Variants in FANCI observed in about 807,000 individuals in gnomAD.
The protein encoded by FANCI is Fanconi anemia group I protein.
A neutral mutation model predicts 176.1 loss-of-function variants in FANCI; 156 were observed. The ratio of observed to expected loss-of-function variants is 0.89; its 90% confidence interval spans 0.78 to 1.01. The LOEUF (loss-of-function observed/expected upper bound fraction) is 1.01. Among genes scored for constraint, FANCI ranks in the 50% least tolerant of loss-of-function variants. The probability of loss-of-function intolerance (pLI) is 0.00; values close to 1 mark genes in which losing one functional copy is unlikely to be tolerated. For missense variants in FANCI, 1,678 were observed against 1,534.1 expected (o/e 1.09, Z -1.57); for synonymous variants, 613 against 541.7 (o/e 1.13, Z -1.83).
chr15:89,316,683 C>G lies in FANCI; in HGVS notation c.*224C>G. On this transcript the variant is annotated 3_prime_UTR_variant, in exon 38 of 38. Coordinates refer to ENST00000310775, the MANE Select transcript of FANCI (RefSeq NM_001113378.2). ...TTTTGCAAAAAGCACAGCTGAAAGCCTGAGTTTGGGAGCCTGCACCACCCC... is the reference window on the plus strand; with the variant it reads ...TTTTGCAAAAAGCACAGCTGAAAGCGTGAGTTTGGGAGCCTGCACCACCCC... 7.3e-7 allele frequency: 1 copy of G among 1,369,290 alleles called. No homozygotes were observed. The highest frequency in any genetic ancestry group is 1.2e-5 in the South Asian group (1 of 85,616). The allele number at this position is 1,369,290 out of a possible 1,614,324, so 84.8% of individuals were successfully genotyped here.
rs746243469 is a variant in FANCI, at chr15:89,292,968, C to T, written c.2196C>T (p.Ser732=). 3.7e-6 allele frequency: 6 copies of T among 1,614,044 alleles called. No homozygotes were observed. The highest frequency in any genetic ancestry group is 1.7e-4 in the Middle Eastern group (1 of 6,060). ...ELDKSADFSQ[S]TSIGIKNNIC... ...ATAAATCAGCAGATTTTTCTCAGAG[C>T]ACCAGTATTGGCATAAAAAATAATA... The change falls in exon 22 of 38, where the codon AGC becomes AGT. Residue 732 remains serine (S), a synonymous_variant. Transcript: ENST00000310775.
rs765962856 is a variant in FANCI, at chr15:89,316,393, C to T, written c.3925-4C>T. ...GTTAGAGCATTAATTCTTTCCCCTT[C>T]TAGGGCACTGCATCAGAGCATGGGG... is the stretch of plus-strand genomic sequence containing the variant. On this transcript the variant is annotated splice_region_variant and splice_polypyrimidine_tract_variant and intron_variant, in intron 37 of 37. Coordinates refer to ENST00000310775, the MANE Select transcript of FANCI (RefSeq NM_001113378.2). 7.4e-6 allele frequency: 12 copies of T among 1,610,878 alleles called. No individual in the cohort carries two copies. The Admixed American group carries it at 1.7e-4, about 22-fold the overall frequency.
intron 18 of FANCI, among the ~76,000 whole-genome samples, chr15:89,288,771 A>G (rs1350459064): frequency 6.6e-6 from 1 of 151,726 alleles, no homozygotes; most frequent in Non-Finnish European, 1.5e-5. Context: ...CATAGGCACA[A>G]GCCACTGCAC....
At chr15:89,289,815 C>T (rs987612948) in intron 18 of FANCI, among the ~76,000 whole-genome samples, 3 of 151,730 alleles carry the variant, frequency 2.0e-5, no homozygotes, top group Admixed American at 6.6e-5. Context: ...CTCAGCCTCC[C>T]GAGTAGCTGT....
chr15:89,244,489 C>T (rs1450474137), intron 1 of FANCI, among the ~76,000 whole-genome samples: 3 of 152,212 alleles, frequency 2.0e-5, no homozygotes, highest in Non-Finnish European at 4.4e-5. Context: ...CTGATGCTCC[C>T]CAGCGTCTCT....
At chr15:89,296,748 T>C (rs2054292847) in intron 24 of FANCI, among the ~76,000 whole-genome samples, 1 of 151,586 alleles carries the variant, frequency 6.6e-6, no homozygotes, top group South Asian at 2.1e-4. Context: ...GCAGAGGGGC[T>C]CCTCACTTCC....
intron 34 of FANCI, among the ~76,000 whole-genome samples, chr15:89,310,793 C>T (rs1166886932): frequency 1.3e-5 from 2 of 152,332 alleles, no homozygotes; most frequent in South Asian, 4.1e-4. Context: ...ATTGCTGCAA[C>T]TCTTAGCATC....
Position 89,292,785 on chromosome 15 carries a change from C to T in FANCI, c.2090C>T (p.Ala697Val). Reference sequence around the variant, plus strand: ...GAGGAGGAAGAGGAGGAGGAAGAGGCATTCTACGAAGACCTAGATGATATA... The same window carrying T: ...GAGGAGGAAGAGGAGGAGGAAGAGGTATTCTACGAAGACCTAGATGATATA... The part of the protein sequence containing the change: ...QGEEEEEEEE[A>V]FYEDLDDILE... Residue 697 changes from alanine (A) to valine (V), a missense_variant, in exon 21 of 38, where the codon GCA (alanine) becomes GTA (valine). Physicochemically the swap from Ala to Val is moderately conservative, Grantham distance 64. Around this residue, in one of 3 missense-constraint regions of FANCI, gnomAD observed 1,204 missense variants for 1,077.4 expected, o/e 1.12. Coordinates refer to ENST00000310775, the MANE Select transcript of FANCI (RefSeq NM_001113378.2). The T allele has an allele frequency of 6.2e-7, 1 of 1,613,900 alleles. No individual in the cohort carries two copies. The highest frequency in any genetic ancestry group is 8.5e-7 in the Non-Finnish European group (1 of 1,179,920).
At chr15:89,312,152 G>GT (rs1304162895) in intron 34 of FANCI, among the ~76,000 whole-genome samples, 2 of 152,194 alleles carry the variant, frequency 1.3e-5, no homozygotes, top group East Asian at 3.8e-4. Flanking sequence ...GTGATTGCCT[G>GT]TAAGTGGGAA....
chr15:89,287,200 C>T (rs759572407), intron 18 of FANCI, among the ~76,000 whole-genome samples: 4 of 152,094 alleles, frequency 2.6e-5, no homozygotes, highest in Non-Finnish European at 5.9e-5. Flanking sequence ...GTCTCAATCT[C>T]TTGACCTCGT....
intron 22 of FANCI, 127 bp from the exon 23 acceptor site, chr15:89,293,706 C>A: frequency 1.0e-6 from 1 of 972,078 alleles, no homozygotes; most frequent in Non-Finnish European, 1.6e-6. Flanking sequence ...TAATGAAGTT[C>A]TATTCATTTA....
intron 24 of FANCI, among the ~76,000 whole-genome samples, chr15:89,299,283 G>A (rs776350962): frequency 1.3e-5 from 2 of 151,832 alleles, no homozygotes; most frequent in Non-Finnish European, 2.9e-5. Context: ...CAAAACTTAA[G>A]ATCTAGGTCT....
intron 4 of FANCI, among the ~76,000 whole-genome samples, chr15:89,261,361 C>T (rs892855395): frequency 6.6e-6 from 1 of 152,168 alleles, no homozygotes; most frequent in East Asian, 1.9e-4. Flanking sequence ...GAAGAGCTGG[C>T]ATATCTGAAA....
At chr15:89,310,443 A>G (rs952807640) in intron 34 of FANCI, among the ~76,000 whole-genome samples, 5 of 152,200 alleles carry the variant, frequency 3.3e-5, no homozygotes, top group Non-Finnish European at 4.4e-5. Context: ...GGGAATCACT[A>G]CTACTTCCTA....
chr15:89,283,453 C>G (rs951889688), intron 17 of FANCI, among the ~76,000 whole-genome samples: 4 of 152,242 alleles, frequency 2.6e-5, no homozygotes, highest in African/African-American at 9.6e-5. Context: ...GTATGCTAAA[C>G]TGTGCTATCC....
At chr15:89,256,662 T>A (rs976871661) in intron 2 of FANCI, among the ~76,000 whole-genome samples, 3 of 152,194 alleles carry the variant, frequency 2.0e-5, no homozygotes, top group Non-Finnish European at 2.9e-5. Context: ...CCATTGATGC[T>A]CCACTTGGCA....
At chr15:89,293,635 C>T (rs1229967783) in intron 22 of FANCI, among the ~76,000 whole-genome samples, 198 bp from the exon 23 acceptor site, 3 of 152,112 alleles carry the variant, frequency 2.0e-5, no homozygotes, top group Non-Finnish European at 4.4e-5. Flanking sequence ...TTGCAGTGAG[C>T]CAAGGTCACA....
Position 89,300,399 on chromosome 15 carries a change from C to G in FANCI, c.2889+14C>G, listed in dbSNP as rs1424328692. ...CGGCAATTTCAGGTGAGAAGCCTTG[C>G]AAAGCTGCTGTACTGGCCTGAGAGG... On this transcript the variant is annotated intron_variant, in intron 26 of 37. Transcript: ENST00000310775. 5 of 1,611,012 alleles carry G rather than the reference C, an allele frequency of 3.1e-6. No homozygotes were observed. In the East Asian group the frequency reaches 1.1e-4, roughly 36 times the overall value.
intron 24 of FANCI, among the ~76,000 whole-genome samples, chr15:89,297,162 G>C (rs1305963461): frequency 2.2e-5 from 3 of 135,652 alleles, no homozygotes; most frequent in East Asian, 4.4e-4. Context: ...TTCTCAGACG[G>C]GGCGGCCGGG....
Sources: allele counts gnomAD v4.1 joint callset (sites outside exome capture counted in the v4.1 genomes callset), GRCh38; gene constraint gnomAD v4.1.1; regional missense constraint gnomAD v4.1.1; transcripts MANE v1.5; gene names NCBI Gene and HGNC (gene_info 2026-07-23, HGNC 2026-07-21).